OTUD7A: variants seen among roughly 807,000 people sequenced by gnomAD.
OTUD7A encodes OTU deubiquitinase 7A, also known as OTU domain-containing protein 7A.
In OTUD7A, 12 loss-of-function variants were observed where a neutral mutation model predicts 65.7. That is an observed-to-expected ratio of 0.18 (90% CI 0.12 to 0.30). The LOEUF (loss-of-function observed/expected upper bound fraction) is 0.30, where lower values mean the gene tolerates loss of function less well. Ranked by LOEUF, OTUD7A falls within the 10% of genes least tolerant of loss-of-function variation. The pLI, the probability that OTUD7A is intolerant of heterozygous loss-of-function variation, is 1.00. For synonymous variants in OTUD7A, 641 were observed against 586.3 expected, an observed-to-expected ratio of 1.09 and a Z score of -1.35; for missense variants, 1,148 against 1,304.8, an observed-to-expected ratio of 0.88 and a Z score of 1.85.
chr15:31,768,695 G>A (rs1270291259), intron 1 of OTUD7A, among the ~76,000 whole-genome samples: 3 of 151,694 alleles, frequency 2.0e-5, no homozygotes, highest in East Asian at 1.9e-4. Context: ...TGGCACTTTC[G>A]GCGTCTGCAG....
chr15:31,830,114 T>C (rs777195126), intron 1 of OTUD7A, among the ~76,000 whole-genome samples: 1 of 152,152 alleles, frequency 6.6e-6, no homozygotes, highest in Non-Finnish European at 1.5e-5. Flanking sequence ...AGCATCTGTG[T>C]CCCACAGTTC....
chr15:31,736,297 A>C (rs1566995285), intron 1 of OTUD7A, among the ~76,000 whole-genome samples: 1 of 151,786 alleles, frequency 6.6e-6, no homozygotes, highest in Non-Finnish European at 1.5e-5. Flanking sequence ...GGGTAACTCC[A>C]CCCCCCCAAA....
In OTUD7A at chr15:31,867,028, G is replaced by A. The variant is rs571594168; in HGVS notation, c.-100+3479C>T. ...CATGAGGAACCTCAGTAGGAGAGAGGAGTCTTTGGTCTTCAGTAACACACC... is the reference window on the plus strand; with the variant it reads ...CATGAGGAACCTCAGTAGGAGAGAGAAGTCTTTGGTCTTCAGTAACACACC... On this transcript the variant is annotated intron_variant, in intron 1 of 12. Coordinates refer to ENST00000307050, the MANE Select transcript of OTUD7A (RefSeq NM_001382637.1). 3.3e-5 allele frequency among the ~76,000 whole-genome samples: 5 copies of A among 152,200 alleles called. No homozygotes were observed. The East Asian group carries it at 9.7e-4, about 29-fold the overall frequency.
intron 6 of OTUD7A, among the ~76,000 whole-genome samples, chr15:31,530,425 C>T (rs1444708440): frequency 6.6e-6 from 1 of 152,162 alleles, no homozygotes; most frequent in Non-Finnish European, 1.5e-5. Context: ...TTTATTTGTA[C>T]CAGGCGACGG....
chr15:31,572,662 A>G (rs1012942760), intron 3 of OTUD7A, among the ~76,000 whole-genome samples: 2 of 152,218 alleles, frequency 1.3e-5, no homozygotes, highest in African/African-American at 2.4e-5. Context: ...CTCTGAAGAA[A>G]AACTATAAAT....
chr15:31,692,660 C>T (rs1310330824), intron 1 of OTUD7A, among the ~76,000 whole-genome samples: 1 of 139,532 alleles, frequency 7.2e-6, no homozygotes, highest in Non-Finnish European at 1.6e-5. Context: ...CAATAAACTA[C>T]TTCCTGGGTC....
intron 1 of OTUD7A, among the ~76,000 whole-genome samples, chr15:31,683,737 T>C (rs2654120): frequency 1.3e-5 from 2 of 152,174 alleles, no homozygotes; most frequent in Non-Finnish European, 2.9e-5. Context: ...TATTCTTAGA[T>C]TAATAACCTT....
intron 8 of OTUD7A, among the ~76,000 whole-genome samples, chr15:31,507,428 G>A (rs893706985): frequency 6.6e-6 from 1 of 152,134 alleles, no homozygotes; most frequent in Non-Finnish European, 1.5e-5. Flanking sequence ...TTTATTATAA[G>A]GTTGTTAGGC....
At chr15:31,783,388 G>T (rs1177093229) in intron 1 of OTUD7A, among the ~76,000 whole-genome samples, 2 of 152,168 alleles carry the variant, frequency 1.3e-5, no homozygotes, top group Non-Finnish European at 2.9e-5. Flanking sequence ...TCATTCTAAG[G>T]AGAGATTTGC....
At chr15:31,693,657 G>A (rs1212464107) in intron 1 of OTUD7A, among the ~76,000 whole-genome samples, 1 of 152,156 alleles carries the variant, frequency 6.6e-6, no homozygotes, top group Non-Finnish European at 1.5e-5. Flanking sequence ...CGTGTCTGGG[G>A]CGCTCCAGGT....
chr15:31,791,349 T>C (rs1017793036), intron 1 of OTUD7A, among the ~76,000 whole-genome samples: 5 of 151,892 alleles, frequency 3.3e-5, no homozygotes, highest in Non-Finnish European at 7.4e-5. Context: ...CTTAAGGGAG[T>C]TGCTTGGTTC....
chr15:31,763,943 C>T (rs946525085), intron 1 of OTUD7A, among the ~76,000 whole-genome samples: 2 of 152,032 alleles, frequency 1.3e-5, no homozygotes, highest in Non-Finnish European at 2.9e-5. Flanking sequence ...AAATAATCTT[C>T]AAGAATGGGG....
At chr15:31,629,885 T>G (rs2141247858) in intron 3 of OTUD7A, among the ~76,000 whole-genome samples, 1 of 152,350 alleles carries the variant, frequency 6.6e-6, no homozygotes, top group African/African-American at 2.4e-5. Context: ...TGTGTAGAAG[T>G]GTTTGTAGTA....
At chr15:31,486,095 C>T (rs2041233178) in intron 12 of OTUD7A, among the ~76,000 whole-genome samples, 1 of 152,186 alleles carries the variant, frequency 6.6e-6, no homozygotes, top group African/African-American at 2.4e-5. Context: ...CAGTTGTCTG[C>T]TGAGAGCCCT....
intron 1 of OTUD7A, among the ~76,000 whole-genome samples, chr15:31,772,360 C>T (rs1895263794): frequency 6.6e-6 from 1 of 151,910 alleles, no homozygotes. Context: ...ATGCCTTTTT[C>T]ATTCACCTCT....
At chr15:31,869,642 A>G (rs1897972280) in intron 1 of OTUD7A, among the ~76,000 whole-genome samples, 1 of 152,186 alleles carries the variant, frequency 6.6e-6, no homozygotes, top group Admixed American at 6.5e-5. Flanking sequence ...AAATCTATAC[A>G]TTCTCAAGCC....
intron 3 of OTUD7A, among the ~76,000 whole-genome samples, chr15:31,606,053 A>G (rs1330977010): frequency 6.6e-6 from 1 of 152,228 alleles, no homozygotes; most frequent in African/African-American, 2.4e-5. Flanking sequence ...CCAAAATTAA[A>G]CAGCTAGATG....
intron 3 of OTUD7A, among the ~76,000 whole-genome samples, chr15:31,628,372 C>T (rs78804804): frequency 0.29 from 43,617 of 151,984 alleles, 7,386 homozygotes; most frequent in African/African-American, 0.47. Flanking sequence ...TTGCTTGTTT[C>T]TGTCAGGTTT....
intron 1 of OTUD7A, among the ~76,000 whole-genome samples, chr15:31,702,697 C>G (rs1159223642): frequency 1.3e-5 from 2 of 151,924 alleles, no homozygotes; most frequent in Non-Finnish European, 2.9e-5. Context: ...TATAAATTGA[C>G]AGACAATTCC....
Sources: allele counts gnomAD v4.1 joint callset (sites outside exome capture counted in the v4.1 genomes callset), GRCh38; gene constraint gnomAD v4.1.1; transcripts MANE v1.5; gene names NCBI Gene and HGNC (gene_info 2026-07-23, HGNC 2026-07-21).